Variants in CRACDL observed in about 807,000 individuals in gnomAD.
The protein encoded by CRACDL is CRACD-like protein.
CRACDL carries 26 observed loss-of-function variants against 70.6 expected under a neutral mutation model. The ratio of observed to expected loss-of-function variants is 0.37; its 90% CI spans 0.27 to 0.51. The LOEUF (loss-of-function observed/expected upper bound fraction) is 0.51. Among genes scored for constraint, CRACDL ranks in the 20% least tolerant of loss-of-function variants. The pLI is 0.94. For missense variants in CRACDL, 1,283 were observed against 1,376.9 expected (o/e 0.93, Z 1.08); for synonymous variants, 618 against 615.2 (o/e 1.00, Z -0.07).
intron 1 of CRACDL, among the ~76,000 whole-genome samples, chr2:98,926,113 T>C (rs1708903866): frequency 2.0e-5 from 3 of 152,160 alleles, no homozygotes; most frequent in Admixed American, 2.0e-4. Context: ...TAATGCACAA[T>C]CAACACTTAC....
intron 1 of CRACDL, among the ~76,000 whole-genome samples, chr2:98,895,016 T>A (rs991043407): frequency 1.3e-5 from 2 of 152,098 alleles, no homozygotes; most frequent in East Asian, 3.8e-4. Flanking sequence ...GAGGCTGAGG[T>A]TGGAGGATCA....
rs558018207 is a variant in CRACDL at position 98,822,232 on chromosome 2, G to A, written c.2041C>T (p.Pro681Ser). The A allele has an allele frequency of 4.4e-6, 7 of 1,605,228 alleles. No individual in the cohort carries two copies. In the East Asian group the frequency reaches 1.3e-4, roughly 31 times the overall value. ...GTGGACCGGAGCTTGACGGGGAAGGGGTTTCTGTCCTCACTCGGGGCCGGC... is the reference window on the plus strand; with the variant it reads ...GTGGACCGGAGCTTGACGGGGAAGGAGTTTCTGTCCTCACTCGGGGCCGGC... Reference protein sequence around the residue: ...QEPAPSEDRNPFPVKLRSTSL... With the variant: ...QEPAPSEDRNSFPVKLRSTSL... Residue 681 changes from proline to serine, a missense_variant, in exon 7 of 10, where the codon CCC becomes TCC. Physicochemically the swap from Pro to Ser is moderately conservative, Grantham distance 74. This residue lies in a region of CRACDL where 921 missense variants were observed against 881.9 expected (regional missense o/e 1.04). Coordinates refer to ENST00000397899, the MANE Select transcript of CRACDL (RefSeq NM_207362.3). The surrounding 1 kb of genome is among the most constrained non-coding windows in gnomAD (Gnocchi z 4.9).
In CRACDL at chr2:98,931,717, T is replaced by C. The variant is rs562675133; in HGVS notation, c.-11+4221A>G. ...TTTCCTTTCACAGATACCCAGATCA[T>C]AAGAAAAATGTCTGAGAATCCTTCC... On this transcript the variant is annotated intron_variant, in intron 1 of 9. Coordinates refer to ENST00000397899, the MANE Select transcript of CRACDL (RefSeq NM_207362.3). Among the ~76,000 whole-genome samples, 215 of 152,292 alleles carry C rather than the reference T, an allele frequency of 1.4e-3. 2 individuals carry two copies. Among genetic ancestry groups the C allele is most frequent in the Admixed American group, 7.8e-3 (120 of 15,304 alleles).
At chr2:98,910,089 C>T (rs1708510924) in intron 1 of CRACDL, among the ~76,000 whole-genome samples, 1 of 152,180 alleles carries the variant, frequency 6.6e-6, no homozygotes, top group African/African-American at 2.4e-5. Flanking sequence ...TCTGTCTCCT[C>T]CTCCAGCTGC....
intron 7 of CRACDL, among the ~76,000 whole-genome samples, chr2:98,820,740 A>G (rs990662239): frequency 2.0e-5 from 3 of 152,348 alleles, no homozygotes; most frequent in African/African-American, 7.2e-5. Flanking sequence ...TTCTGCCTCA[A>G]TGTTAACCCA....
chr2:98,825,180 AG>A (rs1158013198), intron 6 of CRACDL, among the ~76,000 whole-genome samples: 1 of 152,218 alleles, frequency 6.6e-6, no homozygotes, highest in South Asian at 2.1e-4. Context: ...TGAAGGACAG[AG>A]GCCCCCGGCA....
At chr2:98,842,429 G>T (rs1339776459) in intron 2 of CRACDL, among the ~76,000 whole-genome samples, 2 of 149,742 alleles carry the variant, frequency 1.3e-5, no homozygotes, top group Non-Finnish European at 3.0e-5. Context: ...TTTCAAATCC[G>T]CTATACCTTG....
intron 5 of CRACDL, among the ~76,000 whole-genome samples, chr2:98,832,018 C>T (rs1042280295): frequency 5.3e-5 from 8 of 152,134 alleles, no homozygotes; most frequent in Non-Finnish European, 1.0e-4. Flanking sequence ...ACAGATACAA[C>T]GTGTTTCCCT....
chr2:98,838,353 C>T lies in CRACDL; in HGVS notation c.71-66G>A, dbSNP rs141643682. 5 of 858,476 alleles carry T rather than the reference C, an allele frequency of 5.8e-6. No individual in the cohort carries two copies. In the African/African-American group the frequency reaches 6.9e-5, roughly 12 times the overall value. The allele number at this position is 858,476 out of a possible 1,614,324, so 53.2% of individuals were successfully genotyped here. On this transcript the variant is annotated intron_variant, in intron 2 of 9. Transcript: ENST00000397899. The stretch of plus-strand genomic sequence containing the variant: ...CAGTGTGTGTTTATGTGCATGTATG[C>T]AACAGGCACGTAAAAGAGAGAAAGC...
intron 1 of CRACDL, among the ~76,000 whole-genome samples, chr2:98,873,732 G>A (rs117338610): frequency 0.048 from 7,283 of 152,342 alleles, 324 homozygotes; most frequent in South Asian, 0.17. Context: ...TTGGCTGGGC[G>A]TGGTGGCTCA....
chr2:98,823,247 G>C lies in CRACDL; in HGVS notation c.1026C>G (p.Ala342=). 2.8e-6 allele frequency: 4 copies of C among 1,404,028 alleles called. No individual in the cohort carries two copies. The highest frequency in any genetic ancestry group is 3.7e-6 in the Non-Finnish European group (4 of 1,087,172). The allele number at this position is 1,404,028 out of a possible 1,614,324, so 87.0% of individuals were successfully genotyped here. A position where few individuals can be genotyped will look rare whatever the true frequency, so the allele number is the denominator to read the frequency against. Reference sequence around the variant, plus strand: ...GGAGAGTGGGGGCCGACTCGGGCTCGGCGAGCTCCGGGGTGGCCGGGCGGC... The same window carrying C: ...GGAGAGTGGGGGCCGACTCGGGCTCCGCGAGCTCCGGGGTGGCCGGGCGGC... ...PSSRPATPEL[A]EPESAPTLRV... is the part of the protein sequence containing the mutation. Residue 342 remains alanine, a synonymous_variant, in exon 7 of 10, where the codon GCC becomes GCG. Coordinates refer to ENST00000397899, the MANE Select transcript of CRACDL (RefSeq NM_207362.3). This position sits in a 1 kb window ranked among gnomAD's most constrained non-coding sequence, Gnocchi z 4.0.
At position 98,798,422 on chromosome 2, in the gene CRACDL, C is replaced by T. The variant is rs867647747; in HGVS notation, c.2417-885G>A. 3.2e-4 allele frequency among the ~76,000 whole-genome samples: 35 copies of T among 110,902 alleles called. 2 individuals are homozygous for T. The highest frequency in any genetic ancestry group is 1.3e-3 in the Admixed American group (9 of 7,004). The allele number at this position is 110,902 out of a possible 152,430, so 72.8% of individuals were successfully genotyped here. A position where few individuals can be genotyped will look rare whatever the true frequency, so the allele number is the denominator to read the frequency against. On this transcript the variant is annotated intron_variant, in intron 7 of 9. Coordinates refer to ENST00000397899, the MANE Select transcript of CRACDL (RefSeq NM_207362.3). ...TCGCGCCACTGCACTCCAGCCTGGG[C>T]GACAGAGCGAGACTCCGTCTCAAAA... is the stretch of plus-strand genomic sequence containing the variant.
intron 1 of CRACDL, among the ~76,000 whole-genome samples, chr2:98,847,665 G>T (rs1706316769): frequency 6.6e-6 from 1 of 152,152 alleles, no homozygotes; most frequent in Non-Finnish European, 1.5e-5. Context: ...CTGAGCTAGT[G>T]GTGTCCATGC....
chr2:98,812,711 GTTTT>G (rs70940126), intron 7 of CRACDL, among the ~76,000 whole-genome samples: 1 of 139,538 alleles, frequency 7.2e-6, no homozygotes, highest in Non-Finnish European at 1.6e-5. Flanking sequence ...CTGTTTTTTT[GTTTT>G]TTTTTTTACT....
At chr2:98,891,954 CAT>C (rs1707991479) in intron 1 of CRACDL, among the ~76,000 whole-genome samples, 1 of 152,166 alleles carries the variant, frequency 6.6e-6, no homozygotes, top group Non-Finnish European at 1.5e-5. Context: ...AAACAATTCA[CAT>C]GATAGCAAAT....
intron 1 of CRACDL, among the ~76,000 whole-genome samples, chr2:98,885,794 T>G (rs1422641121): frequency 6.6e-6 from 1 of 152,010 alleles, no homozygotes; most frequent in African/African-American, 2.4e-5. Context: ...TATGATGATA[T>G]CAAACATTCA....
At chr2:98,884,134 G>A (rs1365358561) in intron 1 of CRACDL, among the ~76,000 whole-genome samples, 2 of 152,188 alleles carry the variant, frequency 1.3e-5, no homozygotes, top group Non-Finnish European at 2.9e-5. Context: ...GGGGCGGCAC[G>A]GCAGAGCCTG....
At chr2:98,833,706 T>C (rs1476980896) in intron 3 of CRACDL, among the ~76,000 whole-genome samples, 2 of 152,182 alleles carry the variant, frequency 1.3e-5, no homozygotes, top group African/African-American at 2.4e-5. Context: ...CCTAAAAGGA[T>C]GTGGGAATTA....
chr2:98,899,841 C>G (rs6759944), intron 1 of CRACDL, among the ~76,000 whole-genome samples: 47,993 of 120,966 alleles, frequency 0.4, 11,169 homozygotes, highest in Admixed American at 0.57. Flanking sequence ...GACAGAGGCT[C>G]AGCAGGAGGG....
Sources: gnomAD v4.1 joint callset for allele counts (sites outside exome capture counted in the v4.1 genomes callset) on GRCh38, gnomAD v4.1.1 for gene constraint, gnomAD v4.1.1 regional missense constraint, Gnocchi (gnomAD v3.1) non-coding constraint, MANE v1.5 for transcripts, NCBI Gene and HGNC (gene_info 2026-07-23, HGNC 2026-07-21) for gene names.